SESTD1: variants seen among roughly 807,000 people sequenced by gnomAD.
SESTD1 encodes SEC14 and spectrin domain containing 1.
A neutral mutation model predicts 101.7 loss-of-function variants in SESTD1; 43 were observed. The observed-to-expected ratio is 0.42, with a 90% confidence interval of 0.33 to 0.55. The LOEUF (loss-of-function observed/expected upper bound fraction) is 0.55, where lower values mean the gene tolerates loss of function less well. Ranked by LOEUF, SESTD1 falls within the 20% of genes least tolerant of loss-of-function variation. The pLI, the probability that SESTD1 is intolerant of heterozygous loss-of-function variation, is 0.07. For missense variants in SESTD1, 647 were observed against 815.1 expected (o/e 0.79, Z 2.51); for synonymous variants, 283 against 286.8 (o/e 0.99, Z 0.13).
At chr2:179,116,315 GTAT>G (rs2154393815) in intron 15 of SESTD1, among the ~76,000 whole-genome samples, 1 of 151,226 alleles carries the variant, frequency 6.6e-6, no homozygotes, top group South Asian at 2.1e-4. Context: ...AAAAAGTTCT[GTAT>G]TATTATGCTA....
At chr2:179,148,461 A>C (rs77496949) in intron 7 of SESTD1, among the ~76,000 whole-genome samples, 4,029 of 152,340 alleles carry the variant, frequency 0.026, 82 homozygotes, top group Non-Finnish European at 0.035. Context: ...TGATAAATCT[A>C]GGTAGTTACA....
At chr2:179,198,372 C>T (rs1170574273) in intron 1 of SESTD1, among the ~76,000 whole-genome samples, 3 of 152,180 alleles carry the variant, frequency 2.0e-5, no homozygotes, top group African/African-American at 4.8e-5. Flanking sequence ...TTTAACACCC[C>T]ACTGTCAACA....
chr2:179,171,211 A>G lies in SESTD1; in HGVS notation c.369+909T>C, dbSNP rs184191496. 1.1e-3 allele frequency among the ~76,000 whole-genome samples: 166 copies of G among 152,306 alleles called. 1 individual carries two copies. Among genetic ancestry groups the G allele is most frequent in the African/African-American group, 3.7e-3 (153 of 41,576 alleles). On this transcript the variant is annotated intron_variant, in intron 5 of 17. Coordinates refer to ENST00000428443, the MANE Select transcript of SESTD1 (RefSeq NM_178123.5). Reference sequence around the variant, plus strand: ...CACTAAAATGAATTAATTTCACTGCACGTAAATTATAGCTTAATTTTTTTA... The same window carrying G: ...CACTAAAATGAATTAATTTCACTGCGCGTAAATTATAGCTTAATTTTTTTA...
chr2:179,233,541 C>A (rs182181686), intron 1 of SESTD1, among the ~76,000 whole-genome samples: 1 of 152,244 alleles, frequency 6.6e-6, no homozygotes, highest in East Asian at 1.9e-4. Context: ...GCAACCTCTG[C>A]CTCCTGGGTT....
chr2:179,126,708 AC>A (rs2044882237), intron 10 of SESTD1, among the ~76,000 whole-genome samples: 1 of 152,110 alleles, frequency 6.6e-6, no homozygotes, highest in Admixed American at 6.6e-5. Flanking sequence ...AGATACTGAT[AC>A]CCAACTGCCC....
intron 17 of SESTD1, among the ~76,000 whole-genome samples, chr2:179,111,017 T>C (rs532106900): frequency 6.6e-6 from 1 of 152,274 alleles, no homozygotes; most frequent in Admixed American, 6.5e-5. Flanking sequence ...GAAGCAAGCA[T>C]ACCAGGGAGA....
rs572372866 is a variant in SESTD1 at position 179,200,557 on chromosome 2, C to G, written c.-25-8691G>C. The stretch of plus-strand genomic sequence containing the variant: ...CTACAGTAACCAAAACAGCATGGTA[C>G]TGGTACCAAAACAGAGATATAGATC... On this transcript the variant is annotated intron_variant, in intron 1 of 17. Transcript: ENST00000428443. Among the ~76,000 whole-genome samples the G allele has an allele frequency of 1.5e-3, 226 of 152,214 alleles. 2 individuals are homozygous for G. The highest frequency in any genetic ancestry group is 4.8e-3 in the African/African-American group (199 of 41,488).
chr2:179,230,094 T>C (rs1381416849), intron 1 of SESTD1, among the ~76,000 whole-genome samples: 4 of 141,990 alleles, frequency 2.8e-5, no homozygotes, highest in African/African-American at 5.0e-5. Flanking sequence ...TAATAAATAT[T>C]CCAAACTGGA....
chr2:179,143,322 ACT>A (rs1249445779), intron 9 of SESTD1, among the ~76,000 whole-genome samples: 2 of 152,208 alleles, frequency 1.3e-5, no homozygotes, highest in East Asian at 3.8e-4. Flanking sequence ...GCAAGAATAC[ACT>A]GAGACCACTG....
rs1167478029 is a variant in SESTD1 at position 179,109,945 on chromosome 2, T to C, written c.2045A>G (p.Lys682Arg). 6.2e-7 allele frequency: 1 copy of C among 1,613,954 alleles called. No individual in the cohort carries two copies. Among genetic ancestry groups the C allele is most frequent in the Non-Finnish European group, 8.5e-7 (1 of 1,179,900 alleles). The change falls in exon 18 of 18, where the codon AAA becomes AGA. Residue 682 changes from lysine to arginine, a missense_variant. Physicochemically the swap from Lys to Arg is conservative, Grantham distance 26 (BLOSUM62 2). Coordinates refer to ENST00000428443, the MANE Select transcript of SESTD1 (RefSeq NM_178123.5). ...IRDRMKLVNL[K>R]RQQLRHPEMV... is the part of the protein sequence containing the mutation. ...TTCAGGATGTCTCAGCTGCTGCCTTTTGAGATTAACTAGTTTCATCCTGTC... is the reference window on the plus strand; with the variant it reads ...TTCAGGATGTCTCAGCTGCTGCCTTCTGAGATTAACTAGTTTCATCCTGTC...
chr2:179,226,269 C>A (rs2046884221), intron 1 of SESTD1, among the ~76,000 whole-genome samples: 1 of 152,078 alleles, frequency 6.6e-6, no homozygotes, highest in South Asian at 2.1e-4. Flanking sequence ...ATCTGAGTAT[C>A]TGGACCCCAT....
chr2:179,227,859 T>G (rs188650084), intron 1 of SESTD1, among the ~76,000 whole-genome samples: 23 of 152,280 alleles, frequency 1.5e-4, no homozygotes, highest in Admixed American at 1.0e-3. Flanking sequence ...ACTCTGCCGC[T>G]TATTAGGTGT....
rs1441972388 is a variant in SESTD1 at position 179,103,964 on chromosome 2, T to G, written c.*5935A>C. On this transcript the variant is annotated 3_prime_UTR_variant, in exon 18 of 18. Transcript: ENST00000428443. ...AATAATATGAAATGATGAATGGATA[T>G]GTGACAAAGCAAGCATAGGTAATGC... 1 of 152,168 alleles carries G rather than the reference T, an allele frequency of 6.6e-6. No homozygotes were observed. Among genetic ancestry groups the G allele is most frequent in the Non-Finnish European group, 1.5e-5 (1 of 68,002 alleles). 9.4% of individuals were successfully genotyped at this position (152,168 alleles called of 1,614,324 possible).
chr2:179,106,082 C>T lies in SESTD1; in HGVS notation c.*3817G>A, dbSNP rs753778062. 2 of 152,132 alleles carry T rather than the reference C, an allele frequency of 1.3e-5. No homozygotes were observed. Among genetic ancestry groups the T allele is most frequent in the African/African-American group, 2.4e-5 (1 of 41,422 alleles). The allele number at this position is 152,132 out of a possible 1,614,324, so 9.4% of individuals were successfully genotyped here. On this transcript the variant is annotated 3_prime_UTR_variant, in exon 18 of 18. Coordinates refer to ENST00000428443, the MANE Select transcript of SESTD1 (RefSeq NM_178123.5). The stretch of plus-strand genomic sequence containing the variant: ...GAAGCTTTTCATTTTTAGGACTGAA[C>T]GTTAACAATAAGTCTACTAATTAGG...
rs1290157807 is a variant in SESTD1, at chr2:179,104,850, G to A, written c.*5049C>T. On this transcript the variant is annotated 3_prime_UTR_variant, in exon 18 of 18. Coordinates refer to ENST00000428443, the MANE Select transcript of SESTD1 (RefSeq NM_178123.5). ...AAAATATTTCATCATAGTTCTGGCT[G>A]TCTTTTGATCTCTAAGTTCTTCATG... The A allele has an allele frequency of 2.0e-5, 3 of 152,098 alleles. No homozygotes were observed. Among genetic ancestry groups the A allele is most frequent in the African/African-American group, 7.2e-5 (3 of 41,424 alleles). The allele number at this position is 152,098 out of a possible 1,614,324, so 9.4% of individuals were successfully genotyped here.
At position 179,117,577 on chromosome 2, in the gene SESTD1, C is replaced by A; in HGVS notation, c.1479G>T (p.Met493Ile). The A allele has an allele frequency of 6.3e-7, 1 of 1,587,148 alleles. No individual in the cohort carries two copies. The highest frequency in any genetic ancestry group is 8.5e-7 in the Non-Finnish European group (1 of 1,170,998). The part of the protein sequence containing the change: ...EDMVDVRRLK[M>I]LQMVQLFKCE... ...ATTTAAACAACTGCACCATCTGAAG[C>A]ATCTTTAACCTTCGCACATCTACCA... Residue 493 changes from methionine (M) to isoleucine (I), a missense_variant, in exon 14 of 18, where the codon ATG becomes ATT. Around this residue, in one of 3 missense-constraint regions of SESTD1, gnomAD observed 476 missense variants for 562.6 expected, o/e 0.85. Transcript: ENST00000428443.
intron 1 of SESTD1, among the ~76,000 whole-genome samples, chr2:179,254,841 G>A (rs1392865263): frequency 6.6e-6 from 1 of 152,182 alleles, no homozygotes; most frequent in African/African-American, 2.4e-5. Context: ...GAAGGTTGGT[G>A]ATAATCCTAA....
chr2:179,247,051 T>C (rs922435154), intron 1 of SESTD1, among the ~76,000 whole-genome samples: 1 of 152,206 alleles, frequency 6.6e-6, no homozygotes, highest in African/African-American at 2.4e-5. Context: ...GGGCACATAT[T>C]CTTTTATTAC....
chr2:179,148,699 G>A (rs1427727077), intron 7 of SESTD1, among the ~76,000 whole-genome samples: 2 of 152,122 alleles, frequency 1.3e-5, no homozygotes, highest in African/African-American at 4.8e-5. Context: ...GTAGAAAAGT[G>A]TTTCTTTTGA....
Sources: allele counts gnomAD v4.1 joint callset (sites outside exome capture counted in the v4.1 genomes callset), GRCh38; gene constraint gnomAD v4.1.1; regional missense constraint gnomAD v4.1.1; transcripts MANE v1.5; gene names NCBI Gene and HGNC (gene_info 2026-07-23, HGNC 2026-07-21).